The following SORCS1 variants were observed in gnomAD, a reference collection of about 807,000 sequenced individuals.
SORCS1 encodes the protein VPS10 domain-containing receptor SorCS1.
Under a neutral mutation model 146.1 loss-of-function variants are expected in SORCS1, and 60 were observed. That is an observed-to-expected ratio of 0.41 (90% CI 0.33 to 0.51). The LOEUF (loss-of-function observed/expected upper bound fraction) is 0.51, where lower values mean the gene tolerates loss of function less well. Ranked by LOEUF, SORCS1 falls within the 20% of genes least tolerant of loss-of-function variation. SORCS1 has a pLI of 0.21. For missense variants in SORCS1, 1,352 were observed against 1,487.6 expected (o/e 0.91, Z 1.50); for synonymous variants, 637 against 584.0 (o/e 1.09, Z -1.31).
chr10:107,002,987 G>A (rs866205254), intron 1 of SORCS1, among the ~76,000 whole-genome samples: 64 of 152,282 alleles, frequency 4.2e-4, no homozygotes, highest in African/African-American at 1.5e-3. Context: ...CGAGTGTGGT[G>A]GCTCACACCT....
the SORCS1 span, among the ~76,000 whole-genome samples, chr10:107,175,334 T>C: frequency 6.6e-6 from 1 of 152,244 alleles, no homozygotes; most frequent in Non-Finnish European, 1.5e-5. Flanking sequence ...TTAGTGTTAT[T>C]TCTTCCTTAT....
intron 1 of SORCS1, among the ~76,000 whole-genome samples, chr10:107,131,096 G>A (rs966117971): frequency 1.3e-5 from 2 of 152,094 alleles, no homozygotes; most frequent in African/African-American, 4.8e-5. Context: ...CCACGTGTAG[G>A]TGTCCAGGTC....
intron 6 of SORCS1, among the ~76,000 whole-genome samples, chr10:106,726,796 C>T (rs1489836530): frequency 2.0e-5 from 3 of 152,128 alleles, no homozygotes; most frequent in South Asian, 2.1e-4. Context: ...GTTAGAAATG[C>T]AGACTCTCGG....
intron 18 of SORCS1, among the ~76,000 whole-genome samples, chr10:106,642,627 T>C (rs1357815647): frequency 6.6e-6 from 1 of 152,198 alleles, no homozygotes; most frequent in African/African-American, 2.4e-5. Flanking sequence ...AATTAAAAAA[T>C]ATTATGGCTT....
the SORCS1 span, among the ~76,000 whole-genome samples, chr10:107,180,515 CTT>C: frequency 6.6e-6 from 1 of 151,956 alleles, no homozygotes; most frequent in Admixed American, 6.6e-5. Context: ...TGTCTTTTCT[CTT>C]TTTTTCCTTT....
Position 106,904,753 on chromosome 10 carries a change from C to T in SORCS1, c.626+51760G>A, listed in dbSNP as rs533566315. ...GATCCAACTGATAGACCCGTTTTGGCCCATTTGTATTGAGATATTCCATCT... is the reference window on the plus strand; with the variant it reads ...GATCCAACTGATAGACCCGTTTTGGTCCATTTGTATTGAGATATTCCATCT... On this transcript the variant is annotated intron_variant, in intron 2 of 25. Transcript: ENST00000263054. 9.2e-5 allele frequency among the ~76,000 whole-genome samples: 14 copies of T among 152,262 alleles called. No individual in the cohort carries two copies. In the East Asian group the frequency reaches 2.7e-3, roughly 29 times the overall value.
chr10:106,989,488 C>G (rs1414204524), intron 1 of SORCS1, among the ~76,000 whole-genome samples: 1 of 151,800 alleles, frequency 6.6e-6, no homozygotes, highest in Admixed American at 6.6e-5. Context: ...ACTTTTGACA[C>G]TTTAAGGTCC....
intron 3 of SORCS1, among the ~76,000 whole-genome samples, chr10:106,812,284 G>C (rs1030103183): frequency 2.6e-5 from 4 of 152,196 alleles, no homozygotes; most frequent in Non-Finnish European, 5.9e-5. Flanking sequence ...ACAGGTGTGA[G>C]CCACTGCACC....
At chr10:107,098,328 A>G (rs972399154) in intron 1 of SORCS1, among the ~76,000 whole-genome samples, 10 of 152,328 alleles carry the variant, frequency 6.6e-5, no homozygotes, top group Non-Finnish European at 1.3e-4. Flanking sequence ...CACTTAGTAG[A>G]CAATAAGAGG....
chr10:106,887,462 A>G (rs749870343), intron 2 of SORCS1, among the ~76,000 whole-genome samples: 2 of 152,216 alleles, frequency 1.3e-5, no homozygotes, highest in Non-Finnish European at 2.9e-5. Context: ...AAGTTCAAAT[A>G]TAACCTCAGG....
chr10:106,739,464 G>T (rs946443395), intron 5 of SORCS1, among the ~76,000 whole-genome samples: 4 of 148,412 alleles, frequency 2.7e-5, no homozygotes, highest in African/African-American at 1.0e-4. Flanking sequence ...CAGTCTGGGT[G>T]ACAGAGAGAG....
At chr10:107,140,948 A>G (rs1967778874) in intron 1 of SORCS1, among the ~76,000 whole-genome samples, 1 of 152,204 alleles carries the variant, frequency 6.6e-6, no homozygotes, top group Non-Finnish European at 1.5e-5. Flanking sequence ...CCCAGTCTTC[A>G]ACTACCACAT....
At chr10:106,925,485 C>T (rs1174086512) in intron 2 of SORCS1, among the ~76,000 whole-genome samples, 1 of 152,182 alleles carries the variant, frequency 6.6e-6, no homozygotes, top group Non-Finnish European at 1.5e-5. Context: ...GTGGCCCCTC[C>T]TGATGGTCTC....
At chr10:106,794,373 T>C (rs1946444996) in intron 3 of SORCS1, among the ~76,000 whole-genome samples, 1 of 152,192 alleles carries the variant, frequency 6.6e-6, no homozygotes, top group Non-Finnish European at 1.5e-5. Context: ...AACAAAGTAT[T>C]GCATCCTTCT....
At chr10:106,680,307 G>A (rs1466716030) in intron 10 of SORCS1, among the ~76,000 whole-genome samples, 2 of 152,214 alleles carry the variant, frequency 1.3e-5, no homozygotes, top group African/African-American at 4.8e-5. Flanking sequence ...AGACTGAAGA[G>A]GAGAAATGGG....
At chr10:106,723,489 G>A (rs1855926763) in intron 6 of SORCS1, among the ~76,000 whole-genome samples, 1 of 151,846 alleles carries the variant, frequency 6.6e-6, no homozygotes, top group Non-Finnish European at 1.5e-5. Flanking sequence ...TGAACTCAGG[G>A]GCCAATAATA....
chr10:107,019,676 G>T (rs932860), intron 1 of SORCS1, among the ~76,000 whole-genome samples: 57,754 of 152,040 alleles, frequency 0.38, 11,236 homozygotes, highest in African/African-American at 0.46. Flanking sequence ...TCAATCAAAA[G>T]GTATAACTAT....
At chr10:106,592,390 T>C (rs1483482889) in intron 24 of SORCS1, among the ~76,000 whole-genome samples, 1 of 152,224 alleles carries the variant, frequency 6.6e-6, no homozygotes, top group Non-Finnish European at 1.5e-5. Context: ...GCAAATGCTT[T>C]CCTTGTGTTC....
At chr10:107,161,879 C>A (rs1969736635) in intron 1 of SORCS1, among the ~76,000 whole-genome samples, 2 of 152,068 alleles carry the variant, frequency 1.3e-5, no homozygotes, top group Admixed American at 1.3e-4. Flanking sequence ...GTGTGATGAC[C>A]AGAGCAGAGA....
Sources: allele counts gnomAD v4.1 joint callset (sites outside exome capture counted in the v4.1 genomes callset), GRCh38; gene constraint gnomAD v4.1.1; transcripts MANE v1.5; gene names NCBI Gene and HGNC (gene_info 2026-07-23, HGNC 2026-07-21).